The following C3orf49 variants were observed in gnomAD, a reference collection of about 807,000 sequenced individuals.
The protein encoded by C3orf49 is putative uncharacterized protein C3orf49.
C3orf49 carries 27 observed loss-of-function variants against 13.3 expected under a neutral mutation model. The observed-to-expected ratio is 2.02, with a 90% confidence interval of 1.49 to 2.79. The LOEUF (loss-of-function observed/expected upper bound fraction) is 2.79, where lower values mean the gene tolerates loss of function less well. C3orf49 is among the 30% of genes most tolerant of loss of function. The pLI, the probability that C3orf49 is intolerant of heterozygous loss-of-function variation, is 0.00. For missense variants in C3orf49, 242 were observed against 134.2 expected, an observed-to-expected ratio of 1.80 and a Z score of -3.97; for synonymous variants, 87 against 47.6, an observed-to-expected ratio of 1.83 and a Z score of -3.40.
intron 3 of C3orf49, 45 bp downstream of exon 3, chr3:63,827,770 C>CA (rs1357925347): frequency 1.4e-6 from 1 of 694,132 alleles, no homozygotes; most frequent in Non-Finnish European, 2.6e-6. Flanking sequence ...ACACATAACT[C>CA]AATGTCTAGA....
the C3orf49 span, among the ~76,000 whole-genome samples, chr3:63,791,211 T>C: frequency 6.6e-6 from 1 of 152,138 alleles, no homozygotes; most frequent in Non-Finnish European, 1.5e-5. Flanking sequence ...GGGAAGAGCA[T>C]GGATATTGTC....
rs1327222991 is a variant in C3orf49, at chr3:63,845,029, A to T, written c.856A>T (p.Thr286Ser). Residue 286 changes from threonine to serine, a missense_variant, in exon 6 of 7, where the codon ACA becomes TCA. Thr to Ser is a moderately conservative substitution (Grantham distance 58). Coordinates refer to ENST00000295896, the MANE Select transcript of C3orf49 (RefSeq NM_001355236.2). Reference protein sequence around the residue: ...MRKYKLKNMTTKGPGDS With the variant: ...MRKYKLKNMTSKGPGDS Reference sequence around the variant, plus strand: ...TAATTTTGTCTCTTGACAGATGACCACAAAAGGACCTGGAGACAGCTGACC... The same window carrying T: ...TAATTTTGTCTCTTGACAGATGACCTCAAAAGGACCTGGAGACAGCTGACC... 1.4e-6 allele frequency: 1 copy of T among 699,484 alleles called. No homozygotes were observed. The highest frequency in any genetic ancestry group is 1.5e-5 in the South Asian group (1 of 67,196). The allele number at this position is 699,484 out of a possible 1,614,324, so 43.3% of individuals were successfully genotyped here.
At chr3:63,805,697 TA>T in the C3orf49 span, among the ~76,000 whole-genome samples, 1 of 152,216 alleles carries the variant, frequency 6.6e-6, no homozygotes, top group Non-Finnish European at 1.5e-5. Context: ...CCACATCTTA[TA>T]AAACGAGCAG....
chr3:63,844,285 T>C (rs1404578852), intron 5 of C3orf49, among the ~76,000 whole-genome samples: 7 of 152,218 alleles, frequency 4.6e-5, no homozygotes, highest in African/African-American at 1.7e-4. Flanking sequence ...AGAGACCTAA[T>C]TGTACAGCAA....
the C3orf49 span, among the ~76,000 whole-genome samples, chr3:63,811,614 G>C: frequency 6.6e-6 from 1 of 151,696 alleles, no homozygotes; most frequent in African/African-American, 2.4e-5. Context: ...AGGCACACTG[G>C]CTCACACCTA....
intron 5 of C3orf49, 116 bp downstream of exon 5, chr3:63,831,960 C>G (rs553259593): frequency 1.7e-6 from 1 of 585,666 alleles, no homozygotes; most frequent in Non-Finnish European, 3.0e-6. Flanking sequence ...TTTGGGAGGC[C>G]GAGCGAGTGG....
At chr3:63,814,547 G>C (rs1352730938), upstream of C3orf49, among the ~76,000 whole-genome samples, 6 of 152,130 alleles carry the variant, frequency 3.9e-5, no homozygotes, top group Admixed American at 3.9e-4. Context: ...ATACTGTTAA[G>C]AACAAGGGAG....
the C3orf49 span, among the ~76,000 whole-genome samples, chr3:63,800,847 G>C: frequency 2.0e-4 from 31 of 152,114 alleles, no homozygotes; most frequent in Admixed American, 2.0e-3. Context: ...AGATCCTTGA[G>C]TGTCTGAGGG....
chr3:63,825,671 G>C (rs1035370198), intron 2 of C3orf49, among the ~76,000 whole-genome samples: 1 of 152,142 alleles, frequency 6.6e-6, no homozygotes, highest in Non-Finnish European at 1.5e-5. Flanking sequence ...CAAATCAGTT[G>C]CTCTTCCCTG....
chr3:63,838,326 G>T, intron 5 of C3orf49: 4 of 1,305,426 alleles, frequency 3.1e-6, no homozygotes, highest in Admixed American at 2.4e-5. Context: ...GTTTCCTTTA[G>T]ACCATAAAAA....
the C3orf49 span, among the ~76,000 whole-genome samples, chr3:63,794,369 G>C: frequency 6.7e-6 from 1 of 148,904 alleles, no homozygotes; most frequent in African/African-American, 2.4e-5. Context: ...ACTAACTCCT[G>C]CATTATTCAT....
the C3orf49 span, among the ~76,000 whole-genome samples, chr3:63,786,751 T>C: frequency 6.6e-6 from 1 of 152,246 alleles, no homozygotes. Flanking sequence ...TAGGTACTGA[T>C]ATTATCCCTA....
intron 3 of C3orf49, among the ~76,000 whole-genome samples, chr3:63,829,309 C>T (rs964227618): frequency 2.0e-5 from 3 of 152,254 alleles, no homozygotes; most frequent in African/African-American, 7.2e-5. Flanking sequence ...TAGCACCATA[C>T]AGCAGTGGGG....
At position 63,823,238 on chromosome 3, in the gene C3orf49, T is replaced by A; in HGVS notation, c.126-12T>A. The A allele has an allele frequency of 1.5e-6, 1 of 673,784 alleles. No homozygotes were observed. Among genetic ancestry groups the A allele is most frequent in the Non-Finnish European group, 2.7e-6 (1 of 370,326 alleles). 41.7% of individuals were successfully genotyped at this position (673,784 alleles called of 1,614,324 possible). ...CAGTTTCCCTAATATGAACCATTTT[T>A]ATTTTGTTTAGATGGCATAGAGCTG... On this transcript the variant is annotated splice_polypyrimidine_tract_variant and intron_variant, in intron 1 of 6. Coordinates refer to ENST00000295896, the MANE Select transcript of C3orf49 (RefSeq NM_001355236.2).
the C3orf49 span, among the ~76,000 whole-genome samples, chr3:63,813,564 AAGGC>A: frequency 0.011 from 1,741 of 152,338 alleles, 32 homozygotes; most frequent in African/African-American, 0.04. Flanking sequence ...AAATGAAAAA[AAGGC>A]ATGATTTAAC....
chr3:63,828,820 G>A (rs988459218), intron 3 of C3orf49, among the ~76,000 whole-genome samples: 2 of 152,050 alleles, frequency 1.3e-5, no homozygotes, highest in African/African-American at 4.8e-5. Context: ...TAAGTAATTT[G>A]CCCACGTAAG....
the C3orf49 span, among the ~76,000 whole-genome samples, chr3:63,794,281 G>A: frequency 1.3e-5 from 2 of 151,842 alleles, no homozygotes; most frequent in Admixed American, 6.6e-5. Flanking sequence ...ATCTTCCTCC[G>A]TTTCTATAAA....
the C3orf49 span, among the ~76,000 whole-genome samples, chr3:63,793,049 C>T: frequency 2.0e-5 from 3 of 152,094 alleles, no homozygotes; most frequent in Non-Finnish European, 4.4e-5. Context: ...TGAATGGGTT[C>T]CCACTCCTTT....
chr3:63,807,604 C>A, the C3orf49 span, among the ~76,000 whole-genome samples: 2 of 151,720 alleles, frequency 1.3e-5, no homozygotes, highest in South Asian at 4.2e-4. Flanking sequence ...ACCTGTAATC[C>A]CAGCACTTTG....
Sources: allele counts gnomAD v4.1 joint callset (sites outside exome capture counted in the v4.1 genomes callset), GRCh38; gene constraint gnomAD v4.1.1; transcripts MANE v1.5; gene names NCBI Gene and HGNC (gene_info 2026-07-23, HGNC 2026-07-21).